Variants in FAM227B observed in about 807,000 individuals in gnomAD.
FAM227B encodes the protein protein FAM227B.
A neutral mutation model predicts 73.8 loss-of-function variants in FAM227B; 88 were observed. The observed-to-expected ratio is 1.19, with a 90% confidence interval of 1.00 to 1.42. The LOEUF is 1.42. FAM227B is among the 40% of genes most tolerant of loss of function. The pLI is 0.00. For synonymous variants in FAM227B, 210 were observed against 190.5 expected (o/e 1.10, Z -0.84); for missense variants, 632 against 590.9 (o/e 1.07, Z -0.72).
chr15:49,565,576 C>T (rs1598277765), intron 9 of FAM227B, among the ~76,000 whole-genome samples: 4 of 152,186 alleles, frequency 2.6e-5, no homozygotes, highest in Middle Eastern at 3.4e-3. Context: ...TATAATCACA[C>T]ATTAAGCCCA....
At chr15:49,356,023 T>C (rs1266016495) in intron 13 of FAM227B, among the ~76,000 whole-genome samples, 5 of 151,844 alleles carry the variant, frequency 3.3e-5, no homozygotes, top group Admixed American at 6.6e-5. Flanking sequence ...TAAAATACTT[T>C]ACAGACAAGC....
At chr15:49,421,024 A>G (rs17399591) in intron 11 of FAM227B, among the ~76,000 whole-genome samples, 4,264 of 152,290 alleles carry the variant, frequency 0.028, 94 homozygotes, top group Middle Eastern at 0.048. Context: ...CTTTGAAGCC[A>G]GCAATGGTGT....
At chr15:49,573,447 A>G (rs1197924077) in intron 8 of FAM227B, among the ~76,000 whole-genome samples, 1 of 152,194 alleles carries the variant, frequency 6.6e-6, no homozygotes, top group Non-Finnish European at 1.5e-5. Context: ...TCATGTATTG[A>G]AAACTTGATC....
At chr15:49,354,579 C>A (rs529292466) in intron 13 of FAM227B, among the ~76,000 whole-genome samples, 3 of 152,244 alleles carry the variant, frequency 2.0e-5, no homozygotes, top group South Asian at 2.1e-4. Flanking sequence ...TATCCCGCAC[C>A]TGGCTGGAAG....
chr15:49,513,708 T>C (rs1186025546), intron 10 of FAM227B, among the ~76,000 whole-genome samples: 3 of 152,218 alleles, frequency 2.0e-5, no homozygotes, highest in Non-Finnish European at 4.4e-5. Flanking sequence ...TAGGTTTTCT[T>C]CTAGGGTTTT....
chr15:49,382,412 A>C (rs2046598603), intron 11 of FAM227B, among the ~76,000 whole-genome samples: 1 of 152,150 alleles, frequency 6.6e-6, no homozygotes, highest in Non-Finnish European at 1.5e-5. Context: ...AAAAGAAATA[A>C]GGCAAATGTT....
chr15:49,380,276 G>T (rs910996394), intron 11 of FAM227B, among the ~76,000 whole-genome samples: 1 of 152,072 alleles, frequency 6.6e-6, no homozygotes, highest in Non-Finnish European at 1.5e-5. Context: ...CCTTCAGGGC[G>T]GCGTGCTCCC....
intron 13 of FAM227B, among the ~76,000 whole-genome samples, 155 bp from the exon 14 acceptor site, chr15:49,335,651 C>T (rs2039578262): frequency 1.3e-5 from 2 of 152,180 alleles, no homozygotes; most frequent in South Asian, 4.1e-4. Flanking sequence ...TGGAGTTACA[C>T]TCAGAGGACT....
chr15:49,424,101 A>C lies in FAM227B; in HGVS notation c.1013-52702T>G, dbSNP rs192559607. The C allele has an allele frequency of 6.2e-4, 283 of 458,858 alleles. 2 individuals are homozygous for C. Among genetic ancestry groups the C allele is most frequent in the Non-Finnish European group, 8.5e-4 (221 of 260,224 alleles). 28.4% of individuals were successfully genotyped at this position (458,858 alleles called of 1,614,324 possible). Reference sequence around the variant, plus strand: ...ACTGTTTTTATGAGGATTTATCAACAGAGTTATTTAAGGAGGAATCCTGTG... The same window carrying C: ...ACTGTTTTTATGAGGATTTATCAACCGAGTTATTTAAGGAGGAATCCTGTG... On this transcript the variant is annotated intron_variant, in intron 11 of 15. Coordinates refer to ENST00000299338, the MANE Select transcript of FAM227B (RefSeq NM_152647.3).
chr15:49,387,870 T>C (rs967163795), intron 11 of FAM227B, among the ~76,000 whole-genome samples: 1 of 151,602 alleles, frequency 6.6e-6, no homozygotes, highest in African/African-American at 2.4e-5. Flanking sequence ...ATCTCTTTTA[T>C]AAGAGCTGCA....
At chr15:49,503,803 T>C (rs1246094130) in intron 11 of FAM227B, among the ~76,000 whole-genome samples, 8 of 152,118 alleles carry the variant, frequency 5.3e-5, no homozygotes, top group East Asian at 3.9e-4. Context: ...TATGGAGAAA[T>C]AGAAACACGT....
chr15:49,556,791 G>A (rs1234700938), intron 9 of FAM227B, among the ~76,000 whole-genome samples: 19 of 152,138 alleles, frequency 1.2e-4, no homozygotes, highest in Non-Finnish European at 1.5e-5. Flanking sequence ...TTCAGGTATG[G>A]GTATTTCTGG....
In FAM227B at chr15:49,356,970, G is replaced by C. The variant is rs1411656198; in HGVS notation, c.1271+10478C>G. Among the ~76,000 whole-genome samples the C allele has an allele frequency of 4.0e-5, 6 of 150,160 alleles. No individual in the cohort carries two copies. In the South Asian group the frequency reaches 1.3e-3, roughly 32 times the overall value. On this transcript the variant is annotated intron_variant, in intron 13 of 15. Coordinates refer to ENST00000299338, the MANE Select transcript of FAM227B (RefSeq NM_152647.3). ...CCACTACATGGAAACTGAACAACCT[G>C]CTCCTGAATGACTACTGGGTACATA...
At chr15:49,609,541 T>C (rs1221921544) in intron 3 of FAM227B, among the ~76,000 whole-genome samples, 1 of 151,966 alleles carries the variant, frequency 6.6e-6, no homozygotes, top group African/African-American at 2.4e-5. Context: ...AAAAGAATAA[T>C]AGCTCCATAA....
chr15:49,363,547 T>C lies in FAM227B; in HGVS notation c.1271+3901A>G, dbSNP rs968667427. On this transcript the variant is annotated intron_variant, in intron 13 of 15. Coordinates refer to ENST00000299338, the MANE Select transcript of FAM227B (RefSeq NM_152647.3). Reference sequence around the variant, plus strand: ...GGCAGAGACGATTGGTTTTGCTACATATAGGATCATATTGTCTATAAACAA... The same window carrying C: ...GGCAGAGACGATTGGTTTTGCTACACATAGGATCATATTGTCTATAAACAA... 2.6e-5 allele frequency among the ~76,000 whole-genome samples: 4 copies of C among 152,306 alleles called. No homozygotes were observed. The South Asian group carries it at 8.3e-4, about 32-fold the overall frequency.
At chr15:49,362,026 G>A (rs1212092434) in intron 13 of FAM227B, among the ~76,000 whole-genome samples, 1 of 152,048 alleles carries the variant, frequency 6.6e-6, no homozygotes, top group African/African-American at 2.4e-5. Flanking sequence ...ATATGCTTGT[G>A]GGTTACGTGT....
chr15:49,465,355 C>T (rs574171938), intron 11 of FAM227B, among the ~76,000 whole-genome samples: 33 of 150,052 alleles, frequency 2.2e-4, no homozygotes, highest in African/African-American at 7.3e-4. Flanking sequence ...CCAGGCTGCT[C>T]GAACTCCTGA....
intron 11 of FAM227B, among the ~76,000 whole-genome samples, chr15:49,503,986 T>C (rs182267023): frequency 0.017 from 2,543 of 152,146 alleles, 35 homozygotes; most frequent in Middle Eastern, 0.037. Flanking sequence ...CGTATGTTTA[T>C]TGCGGCACTA....
intron 11 of FAM227B, among the ~76,000 whole-genome samples, chr15:49,452,373 C>T (rs2052836310): frequency 6.6e-6 from 1 of 152,036 alleles, no homozygotes. Flanking sequence ...TTTTAAATGC[C>T]AGTTACCTTA....
Sources: gnomAD v4.1 joint callset for allele counts (sites outside exome capture counted in the v4.1 genomes callset) on GRCh38, gnomAD v4.1.1 for gene constraint, MANE v1.5 for transcripts, NCBI Gene and HGNC (gene_info 2026-07-23, HGNC 2026-07-21) for gene names.